The following PHF21A variants were observed in gnomAD, a reference collection of about 807,000 sequenced individuals.
PHF21A encodes PHD finger protein 21A, also known as BHC80a.
A neutral mutation model predicts 82.5 loss-of-function variants in PHF21A; 11 were observed. The ratio of observed to expected loss-of-function variants is 0.13; its 90% CI spans 0.08 to 0.22. PHF21A has a LOEUF of 0.22. Ranked by LOEUF, PHF21A falls within the 10% of genes least tolerant of loss-of-function variation. The probability of loss-of-function intolerance (pLI) is 1.00; values close to 1 mark genes in which losing one functional copy is unlikely to be tolerated. For missense variants in PHF21A, 579 were observed against 837.8 expected, an observed-to-expected ratio of 0.69 and a Z score of 3.81; for synonymous variants, 297 against 302.8, an observed-to-expected ratio of 0.98 and a Z score of 0.20.
At position 46,060,028 on chromosome 11, in the gene PHF21A, C is replaced by T. The variant is rs529296895; in HGVS notation, c.153+16726G>A. On this transcript the variant is annotated intron_variant, in intron 6 of 18. Transcript: ENST00000676320. Reference sequence around the variant, plus strand: ...AAAGCGCTGGGATTACAGGCGTGAGCCACTGCACCCAGCCCATTTTATTTT... The same window carrying T: ...AAAGCGCTGGGATTACAGGCGTGAGTCACTGCACCCAGCCCATTTTATTTT... Among the ~76,000 whole-genome samples, 12 of 152,270 alleles carry T rather than the reference C, an allele frequency of 7.9e-5. No homozygotes were observed. In the South Asian group the frequency reaches 2.3e-3, roughly 29 times the overall value.
intron 1 of PHF21A, among the ~76,000 whole-genome samples, chr11:46,110,930 C>T (rs1232355218): frequency 6.6e-6 from 1 of 151,736 alleles, no homozygotes; most frequent in Non-Finnish European, 1.5e-5. Flanking sequence ...GGATTACAGG[C>T]ACCTGCCACC....
intron 3 of PHF21A, among the ~76,000 whole-genome samples, chr11:46,086,129 T>A (rs1469226800): frequency 1.3e-5 from 2 of 151,998 alleles, no homozygotes; most frequent in Non-Finnish European, 2.9e-5. Context: ...CTATCTTTTT[T>A]TTTTTTTGAG....
chr11:46,095,551 G>A (rs1035195108), intron 1 of PHF21A, among the ~76,000 whole-genome samples: 5 of 151,882 alleles, frequency 3.3e-5, no homozygotes, highest in Admixed American at 2.0e-4. Context: ...TTTTGCAAAC[G>A]GAAGATTGTT....
At chr11:45,935,208 G>A (rs768346889) in intron 18 of PHF21A, 145 of 1,291,746 alleles carry the variant, frequency 1.1e-4, no homozygotes, top group Non-Finnish European at 1.3e-4. Context: ...AAGAAAGAGC[G>A]AGGGAGGGCC....
At chr11:46,002,578 G>A (rs1332328308) in intron 6 of PHF21A, among the ~76,000 whole-genome samples, 9 of 152,042 alleles carry the variant, frequency 5.9e-5, no homozygotes, top group Non-Finnish European at 1.3e-4. Context: ...AGAAAGTGCT[G>A]TATATTCAAA....
rs183844395 is a variant in PHF21A at position 46,008,497 on chromosome 11, C to T, written c.154-28531G>A. ...TGCTTCAGTAGAGAAGTGCCAATGT[C>T]TTGAAAGCTACTCCATGGGTCAAAG... On this transcript the variant is annotated intron_variant, in intron 6 of 18. Transcript: ENST00000676320. 2.1e-3 allele frequency among the ~76,000 whole-genome samples: 313 copies of T among 152,166 alleles called. 1 individual carries two copies. The highest frequency in any genetic ancestry group is 1.4e-3 in the Non-Finnish European group (96 of 68,000).
At chr11:46,049,291 G>GT in intron 6 of PHF21A, 1 of 359,172 alleles carries the variant, frequency 2.8e-6, no homozygotes, top group Non-Finnish European at 5.5e-6. Context: ...TGATAGTAAG[G>GT]TATGTTGTCC....
intron 6 of PHF21A, among the ~76,000 whole-genome samples, chr11:46,066,933 C>A (rs2096601107): frequency 6.6e-6 from 1 of 152,114 alleles, no homozygotes; most frequent in Non-Finnish European, 1.5e-5. Flanking sequence ...TAAACTAATA[C>A]TGAATTATAC....
chr11:45,965,529 A>C lies in PHF21A; in HGVS notation c.782T>G (p.Ile261Ser). 6.2e-7 allele frequency: 1 copy of C among 1,608,390 alleles called. No homozygotes were observed. Among genetic ancestry groups the C allele is most frequent in the Non-Finnish European group, 8.5e-7 (1 of 1,176,592 alleles). The change falls in exon 10 of 19, where the codon ATC becomes AGC. Residue 261 changes from isoleucine (I) to serine (S), a missense_variant. By Grantham distance (142) the Ile-to-Ser change is moderately radical. Transcript: ENST00000676320. ...PPPMLAAPQL[I>S]QRPVMLTKFT... ...CTTGGTCAGCATGACGGGCCTCTGG[A>C]TAAGCTGAGGAGCTGCGAGCATGGG...
chr11:46,110,788 ATTT>A (rs201509628), intron 1 of PHF21A, among the ~76,000 whole-genome samples: 1 of 145,104 alleles, frequency 6.9e-6, no homozygotes, highest in Non-Finnish European at 1.5e-5. Flanking sequence ...CATATTAACA[ATTT>A]TTTTTTTTTT....
chr11:46,061,148 ATTCTG>A (rs2096530427), intron 6 of PHF21A, among the ~76,000 whole-genome samples: 1 of 151,992 alleles, frequency 6.6e-6, no homozygotes, highest in Admixed American at 6.5e-5. Context: ...TGGGTTCTGT[ATTCTG>A]TTCTATTAGT....
intron 1 of PHF21A, among the ~76,000 whole-genome samples, chr11:46,095,538 A>AT (rs1317656877): frequency 6.6e-6 from 1 of 152,120 alleles, no homozygotes; most frequent in Non-Finnish European, 1.5e-5. Flanking sequence ...ATGTCATACA[A>AT]TTTTTTGCAA....
chr11:46,032,457 T>C (rs964824572), intron 6 of PHF21A, among the ~76,000 whole-genome samples: 3 of 150,002 alleles, frequency 2.0e-5, no homozygotes, highest in Non-Finnish European at 4.4e-5. Flanking sequence ...TCTTAACAAG[T>C]GCACTCACAA....
At chr11:45,965,991 C>T (rs2093411699) in intron 9 of PHF21A, among the ~76,000 whole-genome samples, 1 of 152,124 alleles carries the variant, frequency 6.6e-6, no homozygotes, top group South Asian at 2.1e-4. Flanking sequence ...TCAGTGCACC[C>T]CCATTTCTGG....
chr11:46,114,122 C>A (rs1167014499), intron 1 of PHF21A, among the ~76,000 whole-genome samples: 1 of 152,062 alleles, frequency 6.6e-6, no homozygotes, highest in Admixed American at 6.6e-5. Context: ...TCCCCACACA[C>A]ACACGCTTCT....
intron 9 of PHF21A, among the ~76,000 whole-genome samples, chr11:45,965,982 C>T (rs1210082436): frequency 6.6e-6 from 1 of 152,170 alleles, no homozygotes; most frequent in Non-Finnish European, 1.5e-5. Context: ...TCCACAGCTT[C>T]AGTGCACCCC....
At chr11:46,066,042 T>C (rs866604031) in intron 6 of PHF21A, among the ~76,000 whole-genome samples, 2 of 152,196 alleles carry the variant, frequency 1.3e-5, no homozygotes, top group South Asian at 2.1e-4. Flanking sequence ...TGTAATTATT[T>C]CCAAGTAAAA....
chr11:45,949,519 T>A (rs768456465), intron 12 of PHF21A, 38 bp from the exon 13 acceptor site: 7 of 1,528,048 alleles, frequency 4.6e-6, no homozygotes, highest in Non-Finnish European at 6.4e-6. Context: ...CAGAGAGGCA[T>A]GGAGAACCTA....
intron 17 of PHF21A, 68 bp from the exon 18 acceptor site, chr11:45,935,807 C>A: frequency 1.3e-6 from 1 of 758,028 alleles, no homozygotes. Context: ...GTCCTCTGTG[C>A]TCAGAATGCC....
Sources: gnomAD v4.1 joint callset for allele counts (sites outside exome capture counted in the v4.1 genomes callset) on GRCh38, gnomAD v4.1.1 for gene constraint, MANE v1.5 for transcripts, NCBI Gene and HGNC (gene_info 2026-07-23, HGNC 2026-07-21) for gene names.